ATRNL1: variants seen among roughly 807,000 people sequenced by gnomAD.
ATRNL1 encodes the protein attractin-like protein 1.
In ATRNL1, 95 loss-of-function variants were observed where a neutral mutation model predicts 182.7. The observed-to-expected ratio is 0.52, with a 90% confidence interval of 0.44 to 0.62. The LOEUF is 0.62. Among genes scored for constraint, ATRNL1 ranks in the 20% least tolerant of loss-of-function variants. The probability of loss-of-function intolerance (pLI) is 0.00; values close to 1 mark genes in which losing one functional copy is unlikely to be tolerated. For synonymous variants in ATRNL1, 576 were observed against 568.3 expected (o/e 1.01, Z -0.19); for missense variants, 1,471 against 1,679.5 (o/e 0.88, Z 2.17).
At chr10:115,315,479 A>G (rs1554929263) in intron 17 of ATRNL1, 39 bp from the exon 18 acceptor site, 1 of 1,367,870 alleles carries the variant, frequency 7.3e-7, no homozygotes. Flanking sequence ...TTGAATATAT[A>G]GTCATGTTAA....
At chr10:115,804,678 A>C (rs776906533) in intron 27 of ATRNL1, among the ~76,000 whole-genome samples, 1 of 152,174 alleles carries the variant, frequency 6.6e-6, no homozygotes, top group Non-Finnish European at 1.5e-5. Context: ...TGCGTACCAC[A>C]AACAACAAAG....
intron 26 of ATRNL1, among the ~76,000 whole-genome samples, chr10:115,692,351 CA>C (rs1208944669): frequency 6.6e-6 from 1 of 152,012 alleles, no homozygotes; most frequent in East Asian, 1.9e-4. Flanking sequence ...TAATGATTAG[CA>C]AACAAGATTG....
intron 28 of ATRNL1, among the ~76,000 whole-genome samples, chr10:115,869,519 C>T (rs1951527008): frequency 6.6e-6 from 1 of 152,090 alleles, no homozygotes; most frequent in Non-Finnish European, 1.5e-5. Flanking sequence ...TGGGATATTC[C>T]TTCTGGGAAA....
rs1421107627 is a variant in ATRNL1 at position 115,281,367 on chromosome 10, T to C, written c.2113T>C (p.Tyr705His). ...NSNCSMSVKNYTKCHVRNEQI... is the reference protein window; with the variant it reads ...NSNCSMSVKNHTKCHVRNEQI... ...TTTAATTTTGTAGTCTGTCAAGAAC[T>C]ACACCAAATGTCATGTGAGAAATGA... The change falls in exon 14 of 29, where the codon TAC becomes CAC. Residue 705 changes from tyrosine (Y) to histidine (H), a missense_variant. By Grantham distance (83) the Tyr-to-His change is moderately conservative. Coordinates refer to ENST00000355044, the MANE Select transcript of ATRNL1 (RefSeq NM_207303.4). 8.7e-6 allele frequency: 14 copies of C among 1,612,018 alleles called. No individual in the cohort carries two copies. Among genetic ancestry groups the C allele is most frequent in the Non-Finnish European group, 1.2e-5 (14 of 1,179,042 alleles).
chr10:115,112,047 AAAAAC>A (rs1489744465), intron 1 of ATRNL1, among the ~76,000 whole-genome samples: 1 of 142,516 alleles, frequency 7.0e-6, no homozygotes, highest in Non-Finnish European at 1.5e-5. Flanking sequence ...AATAGCATCA[AAAAAC>A]AAAACAAAAA....
At chr10:115,430,572 G>C (rs1178775862) in intron 21 of ATRNL1, among the ~76,000 whole-genome samples, 1 of 152,090 alleles carries the variant, frequency 6.6e-6, no homozygotes, top group African/African-American at 2.4e-5. Context: ...TGCATGTTGT[G>C]GGGGTTTGGT....
chr10:115,672,928 C>G (rs1479287407), intron 26 of ATRNL1, among the ~76,000 whole-genome samples: 2 of 152,088 alleles, frequency 1.3e-5, no homozygotes, highest in Non-Finnish European at 2.9e-5. Context: ...CCACCCTCAC[C>G]ACACCTTGTT....
intron 25 of ATRNL1, among the ~76,000 whole-genome samples, chr10:115,525,619 A>T (rs782079858): frequency 3.4e-4 from 52 of 152,210 alleles, no homozygotes; most frequent in Non-Finnish European, 5.1e-4. Context: ...ATTCCAGCAT[A>T]TCCCCTTCTC....
At chr10:115,198,846 T>C (rs1848452766) in intron 8 of ATRNL1, among the ~76,000 whole-genome samples, 1 of 152,194 alleles carries the variant, frequency 6.6e-6, no homozygotes, top group Non-Finnish European at 1.5e-5. Context: ...GGTCCCCTGT[T>C]CTGTTTCACT....
At chr10:115,769,543 T>C (rs1223709319) in intron 27 of ATRNL1, among the ~76,000 whole-genome samples, 1 of 152,168 alleles carries the variant, frequency 6.6e-6, no homozygotes, top group African/African-American at 2.4e-5. Context: ...GCATTTACCA[T>C]GGTGCCTGGC....
At chr10:115,239,335 C>T (rs373410859) in intron 9 of ATRNL1, among the ~76,000 whole-genome samples, 2 of 152,004 alleles carry the variant, frequency 1.3e-5, no homozygotes, top group African/African-American at 2.4e-5. Context: ...CGGGTTCAAG[C>T]GATTCTCCTG....
chr10:115,273,725 T>C (rs1851975948), intron 13 of ATRNL1, among the ~76,000 whole-genome samples: 1 of 152,220 alleles, frequency 6.6e-6, no homozygotes, highest in Admixed American at 6.5e-5. Flanking sequence ...TCTCTTCCTC[T>C]GTCAAGTGAT....
intron 28 of ATRNL1, among the ~76,000 whole-genome samples, chr10:115,877,546 A>G (rs1951728072): frequency 6.6e-6 from 1 of 152,242 alleles, no homozygotes; most frequent in Non-Finnish European, 1.5e-5. Flanking sequence ...ATAAACAGGC[A>G]GATCAGAAAT....
intron 26 of ATRNL1, among the ~76,000 whole-genome samples, chr10:115,614,984 T>A (rs1555020319): frequency 3.9e-5 from 6 of 152,102 alleles, no homozygotes; most frequent in Non-Finnish European, 8.8e-5. Context: ...ATTCAGCAGT[T>A]CTGTATTTTT....
intron 8 of ATRNL1, among the ~76,000 whole-genome samples, chr10:115,176,982 G>C (rs1554886833): frequency 6.6e-6 from 1 of 152,042 alleles, no homozygotes; most frequent in East Asian, 1.9e-4. Context: ...CAAGAGACTA[G>C]ATCAGATCAC....
intron 27 of ATRNL1, among the ~76,000 whole-genome samples, chr10:115,762,292 T>C (rs1948751699): frequency 8.8e-6 from 1 of 113,138 alleles, no homozygotes; most frequent in African/African-American, 2.6e-5. Context: ...CAGACTGCAC[T>C]GATGACTTCT....
intron 26 of ATRNL1, among the ~76,000 whole-genome samples, chr10:115,659,343 T>A (rs1448825210): frequency 1.3e-5 from 2 of 152,106 alleles, no homozygotes; most frequent in African/African-American, 4.8e-5. Flanking sequence ...CTGACTGATA[T>A]AACCCCCAGG....
At chr10:115,733,453 A>G (rs1285895262) in intron 27 of ATRNL1, among the ~76,000 whole-genome samples, 3 of 152,210 alleles carry the variant, frequency 2.0e-5, no homozygotes, top group African/African-American at 7.2e-5. Context: ...TTTTGACATC[A>G]CATTGAAGTT....
chr10:115,363,054 T>C (rs1306768974), intron 19 of ATRNL1, among the ~76,000 whole-genome samples: 1 of 151,096 alleles, frequency 6.6e-6, no homozygotes, highest in Non-Finnish European at 1.5e-5. Flanking sequence ...GATGGCTGGG[T>C]CAAATGGTAT....
Sources: allele counts gnomAD v4.1 joint callset (sites outside exome capture counted in the v4.1 genomes callset), GRCh38; gene constraint gnomAD v4.1.1; transcripts MANE v1.5; gene names NCBI Gene and HGNC (gene_info 2026-07-23, HGNC 2026-07-21).